The following STRIP1 variants were observed in gnomAD, a reference collection of about 807,000 sequenced individuals.
STRIP1 encodes striatin interacting protein 1.
Under a neutral mutation model 106.2 loss-of-function variants are expected in STRIP1, and 63 were observed. The observed-to-expected ratio is 0.59, with a 90% CI of 0.48 to 0.73. STRIP1 has a LOEUF of 0.73. Ranked by LOEUF, STRIP1 falls within the 30% of genes least tolerant of loss-of-function variation. STRIP1 has a pLI of 0.00. For missense variants in STRIP1, 857 were observed against 1,074.8 expected (o/e 0.80, Z 2.83); for synonymous variants, 390 against 413.0 (o/e 0.94, Z 0.67).
chr1:110,045,187 G>C (rs1308587959), intron 12 of STRIP1, 109 bp downstream of exon 12: 4 of 964,306 alleles, frequency 4.1e-6, no homozygotes, highest in Non-Finnish European at 6.6e-6. Context: ...CAAGAACCTG[G>C]GGTAGAGGCC....
At chr1:110,051,295 C>T (rs1327352769) in intron 19 of STRIP1, among the ~76,000 whole-genome samples, 2 of 152,326 alleles carry the variant, frequency 1.3e-5, no homozygotes, top group East Asian at 1.9e-4. Context: ...TTTTCCATGT[C>T]GTCTTAATCT....
At chr1:110,036,607 C>T (rs1468305555) in intron 1 of STRIP1, among the ~76,000 whole-genome samples, 2 of 152,084 alleles carry the variant, frequency 1.3e-5, no homozygotes, top group Non-Finnish European at 2.9e-5. Context: ...AGTTTGGGAG[C>T]CTGATCAGTG....
intron 1 of STRIP1, 33 bp from the exon 2 acceptor site, chr1:110,037,858 C>CT: frequency 6.7e-7 from 1 of 1,497,504 alleles, no homozygotes; most frequent in South Asian, 1.1e-5. Flanking sequence ...TAGAATGATC[C>CT]TTTTTCCTAA....
intron 1 of STRIP1, among the ~76,000 whole-genome samples, chr1:110,035,350 G>A (rs912373919): frequency 2.0e-5 from 3 of 152,234 alleles, no homozygotes; most frequent in Non-Finnish European, 4.4e-5. Context: ...TAGAGTAGGA[G>A]GGGGAAACAT....
In STRIP1 at chr1:110,046,866, A is replaced by G. The variant is rs1205497272; in HGVS notation, c.1488+115A>G. On this transcript the variant is annotated intron_variant, in intron 13 of 20. Transcript: ENST00000369795. ...GGAGATTGAGACCATCCTGGCTAAC[A>G]TGGTGAAACCCCGTCTCTACTAAAA... 34 of 725,164 alleles carry G rather than the reference A, an allele frequency of 4.7e-5. 2 individuals are homozygous for G. The highest frequency in any genetic ancestry group is 8.8e-4 in the Middle Eastern group (2 of 2,262). The allele number at this position is 725,164 out of a possible 1,614,324, so 44.9% of individuals were successfully genotyped here.
chr1:110,052,018 C>T (rs893896175), intron 20 of STRIP1, 131 bp downstream of exon 20: 2 of 968,002 alleles, frequency 2.1e-6, no homozygotes, highest in Admixed American at 4.7e-5. Flanking sequence ...AGGAGCCCAG[C>T]TCCTGCTTTT....
chr1:110,041,466 TTTGTTAGACAC>T, intron 6 of STRIP1, 59 bp from the exon 7 acceptor site: 2 of 1,086,710 alleles, frequency 1.8e-6, no homozygotes, highest in Admixed American at 1.8e-5. Flanking sequence ...GTGTAAGCAC[TTTGTTAGACAC>T]TAGGGTGCTC....
chr1:110,044,702 T>C lies in STRIP1; in HGVS notation c.1287-138T>C, dbSNP rs1464689068. On this transcript the variant is annotated intron_variant, in intron 10 of 20. Transcript: ENST00000369795. ...TGAAAATTTCAGTTTTTTCCCTTTT[T>C]TCAAAGAGAAAAACAATTATAGGAG... 5 of 820,494 alleles carry C rather than the reference T, an allele frequency of 6.1e-6. No individual in the cohort carries two copies. In the Admixed American group the frequency reaches 9.0e-5, roughly 15 times the overall value. The allele number at this position is 820,494 out of a possible 1,614,324, so 50.8% of individuals were successfully genotyped here.
In STRIP1 at chr1:110,041,758, C is replaced by T; in HGVS notation, c.782C>T (p.Pro261Leu). ...ELGSPLYNNE[P>L]FAIMLFGMVT... Reference sequence around the variant, plus strand: ...GGCTCCCCGCTGTACAACAATGAGCCATTTGCCATCATGCTGTTTGGGATG... The same window carrying T: ...GGCTCCCCGCTGTACAACAATGAGCTATTTGCCATCATGCTGTTTGGGATG... The change falls in exon 8 of 21, where the codon CCA becomes CTA. Residue 261 changes from proline (P) to leucine (L), a missense_variant. Transcript: ENST00000369795. The T allele has an allele frequency of 6.2e-7, 1 of 1,614,138 alleles. No individual in the cohort carries two copies.
In STRIP1 at chr1:110,049,155, C is replaced by T. The variant is rs755462390; in HGVS notation, c.1705C>T (p.Arg569Cys). The T allele has an allele frequency of 6.2e-6, 10 of 1,614,016 alleles. No individual in the cohort carries two copies. Among genetic ancestry groups the T allele is most frequent in the South Asian group, 2.2e-5 (2 of 91,078 alleles). The part of the protein sequence containing the change: ...QSMKLGVDVN[R>C]HKEVIVKAIS... ...CATGAAGCTGGGGGTGGATGTAAACCGCCACAAAGAGGTCATTGTTAAGGC... is the reference window on the plus strand; with the variant it reads ...CATGAAGCTGGGGGTGGATGTAAACTGCCACAAAGAGGTCATTGTTAAGGC... Residue 569 changes from arginine (R) to cysteine (C), a missense_variant, in exon 16 of 21, where the codon CGC (arginine) becomes TGC (cysteine). Arg to Cys is a radical substitution (Grantham distance 180). Coordinates refer to ENST00000369795, the MANE Select transcript of STRIP1 (RefSeq NM_033088.4).
chr1:110,031,904 T>TA (rs1234489903), upstream of STRIP1, among the ~76,000 whole-genome samples: 5 of 151,642 alleles, frequency 3.3e-5, no homozygotes, highest in African/African-American at 1.2e-4. Flanking sequence ...ATTTGATTTT[T>TA]TTTTTTTTTT....
chr1:110,050,011 C>T, intron 17 of STRIP1: 1 of 383,476 alleles, frequency 2.6e-6, no homozygotes. Context: ...CGGCCAGACC[C>T]TGTCTCCAGA....
intron 5 of STRIP1, among the ~76,000 whole-genome samples, chr1:110,040,173 G>GT (rs767268210): frequency 0.015 from 2,236 of 151,756 alleles, 65 homozygotes; most frequent in African/African-American, 0.051. Context: ...TTGTTTTTGT[G>GT]TTTTTTTTGT....
At position 110,050,833 on chromosome 1, in the gene STRIP1, GC is replaced by G. The variant is rs1653263391; in HGVS notation, c.1957-122del. ...ATGGAGTCCTGGGGCTGCTCTGAGA[GC>G]AGGGGATTCCTGGTAGAGGCCTGGA... On this transcript the variant is annotated intron_variant, in intron 18 of 20. Transcript: ENST00000369795. The G allele has an allele frequency of 1.3e-5, 9 of 667,520 alleles. No individual in the cohort carries two copies. The East Asian group carries it at 2.4e-4, about 18-fold the overall frequency. 41.3% of individuals were successfully genotyped at this position (667,520 alleles called of 1,614,324 possible). A position where few individuals can be genotyped will look rare whatever the true frequency, so the allele number is the denominator to read the frequency against.
At chr1:110,039,894 A>G (rs917693426) in intron 5 of STRIP1, 23 of 1,294,640 alleles carry the variant, frequency 1.8e-5, no homozygotes, top group African/African-American at 3.0e-5. Context: ...TATGGGCTCA[A>G]CCAGTGCCTG....
intron 19 of STRIP1, 112 bp downstream of exon 19, chr1:110,051,172 G>T: frequency 1.4e-6 from 1 of 733,580 alleles, no homozygotes; most frequent in East Asian, 2.6e-5. Context: ...TAACTTTGCT[G>T]TAGCCGTATC....
In STRIP1 at chr1:110,039,721, C is replaced by T. The variant is rs892445656; in HGVS notation, c.581+206C>T. 1.4e-5 allele frequency: 14 copies of T among 1,032,028 alleles called. No individual in the cohort carries two copies. The African/African-American group carries it at 2.1e-4, about 15-fold the overall frequency. 63.9% of individuals were successfully genotyped at this position (1,032,028 alleles called of 1,614,324 possible). ...GACTAATGACAGGTCCCTGCAGCTC[C>T]CTGATGCCAGAGTTTTTACACCAGA... On this transcript the variant is annotated intron_variant, in intron 5 of 20. Transcript: ENST00000369795.
intron 1 of STRIP1, among the ~76,000 whole-genome samples, chr1:110,036,309 CG>C (rs1652450242): frequency 6.6e-6 from 1 of 152,044 alleles, no homozygotes; most frequent in Non-Finnish European, 1.5e-5. Context: ...AAAAATTAGC[CG>C]GGCGTGGTGG....
chr1:110,041,995 G>T, intron 8 of STRIP1, 134 bp downstream of exon 8: 1 of 1,090,336 alleles, frequency 9.2e-7, no homozygotes, highest in Non-Finnish European at 1.3e-6. Flanking sequence ...TTAAAAAGCT[G>T]CTAAAAGGAG....
Sources: allele counts gnomAD v4.1 joint callset (sites outside exome capture counted in the v4.1 genomes callset), GRCh38; gene constraint gnomAD v4.1.1; transcripts MANE v1.5; gene names NCBI Gene and HGNC (gene_info 2026-07-23, HGNC 2026-07-21).